The following GABRG2 variants were observed in gnomAD, a reference collection of about 807,000 sequenced individuals.
GABRG2 encodes gamma-aminobutyric acid type A receptor subunit gamma2.
In GABRG2, 16 loss-of-function variants were observed where a neutral mutation model predicts 56.4. The observed-to-expected ratio is 0.28, with a 90% confidence interval of 0.19 to 0.43. GABRG2 has a LOEUF of 0.43. GABRG2 is among the 20% of genes least tolerant of loss of function. GABRG2 has a pLI of 1.00. For synonymous variants in GABRG2, 208 were observed against 205.5 expected (o/e 1.01, Z -0.10); for missense variants, 327 against 582.7 (o/e 0.56, Z 4.52).
intron 7 of GABRG2, among the ~76,000 whole-genome samples, chr5:162,146,549 G>T (rs1764961920): frequency 6.6e-6 from 1 of 151,980 alleles, no homozygotes; most frequent in African/African-American, 2.4e-5. Context: ...CTCAAACATA[G>T]ATTGAGCATC....
At chr5:162,146,876 G>A (rs1361845841) in intron 7 of GABRG2, among the ~76,000 whole-genome samples, 6 of 152,124 alleles carry the variant, frequency 3.9e-5, no homozygotes, top group African/African-American at 1.4e-4. Flanking sequence ...TAACAAGTAC[G>A]TATTTAGGAA....
chr5:162,117,517 A>G (rs778449481), intron 6 of GABRG2, among the ~76,000 whole-genome samples: 2 of 152,174 alleles, frequency 1.3e-5, no homozygotes, highest in Non-Finnish European at 2.9e-5. Flanking sequence ...AGTTTCAAGC[A>G]ACTTTTAAAA....
At chr5:162,112,145 G>C in intron 6 of GABRG2, among the ~76,000 whole-genome samples, 1 of 151,908 alleles carries the variant, frequency 6.6e-6, no homozygotes. Context: ...CTTGTTCTTT[G>C]AAAAAAATCA....
intron 1 of GABRG2, among the ~76,000 whole-genome samples, chr5:162,086,803 TATTTC>T (rs1287721704): frequency 6.6e-6 from 1 of 152,102 alleles, no homozygotes; most frequent in Non-Finnish European, 1.5e-5. Context: ...TGTTGTACAA[TATTTC>T]ATTATGTGCA....
intron 1 of GABRG2, among the ~76,000 whole-genome samples, chr5:162,073,879 A>G (rs749420970): frequency 6.6e-6 from 1 of 152,010 alleles, no homozygotes; most frequent in Non-Finnish European, 1.5e-5. Context: ...ATATTGAGAG[A>G]TTAAGGGACT....
chr5:162,110,760 G>A (rs1762196025), intron 6 of GABRG2, among the ~76,000 whole-genome samples: 1 of 152,094 alleles, frequency 6.6e-6, no homozygotes, highest in Admixed American at 6.6e-5. Flanking sequence ...TGAGTTGTGA[G>A]CCTATTTTTA....
At chr5:162,139,314 G>A (rs1764373638) in intron 6 of GABRG2, among the ~76,000 whole-genome samples, 1 of 152,216 alleles carries the variant, frequency 6.6e-6, no homozygotes, top group Non-Finnish European at 1.5e-5. Context: ...ATCCACTGAT[G>A]CCGCACTTTA....
intron 1 of GABRG2, among the ~76,000 whole-genome samples, chr5:162,081,217 T>A (rs564589370): frequency 6.6e-6 from 1 of 152,096 alleles, no homozygotes; most frequent in South Asian, 2.1e-4. Flanking sequence ...CCCAAAAAAT[T>A]TTTTAAAATT....
At chr5:162,101,114 C>A in intron 4 of GABRG2, 121 bp from the exon 5 acceptor site, 1 of 743,698 alleles carries the variant, frequency 1.3e-6, no homozygotes, top group Admixed American at 2.0e-5. Context: ...TTGGGGATCA[C>A]TCTGTGTTTT....
At position 162,093,989 on chromosome 5, in the gene GABRG2, A is replaced by G. The variant is rs756876801; in HGVS notation, c.259+10A>G. The G allele has an allele frequency of 6.2e-7, 1 of 1,612,874 alleles. No homozygotes were observed. ...CGGCCTGATATAGGAGGTTTGTTAA[A>G]GTCTTTTGCGTTGTGCTATAGATAG... On this transcript the variant is annotated intron_variant, in intron 2 of 9. Coordinates refer to ENST00000639213, the MANE Select transcript of GABRG2 (RefSeq NM_198904.4).
rs111389960 is a variant in GABRG2 at position 162,072,421 on chromosome 5, A to G, written c.107+4315A>G. On this transcript the variant is annotated intron_variant, in intron 1 of 9. Coordinates refer to ENST00000639213, the MANE Select transcript of GABRG2 (RefSeq NM_198904.4). ...TTAAGAAGATTGAATTATAATGAAAAGTTATAATCAGAGTAGTTTGGAGAT... is the reference window on the plus strand; with the variant it reads ...TTAAGAAGATTGAATTATAATGAAAGGTTATAATCAGAGTAGTTTGGAGAT... Among the ~76,000 whole-genome samples the G allele has an allele frequency of 1.3e-3, 197 of 152,156 alleles. 2 individuals are homozygous for G. The highest frequency in any genetic ancestry group is 4.4e-3 in the African/African-American group (181 of 41,564).
intron 7 of GABRG2, among the ~76,000 whole-genome samples, chr5:162,145,085 C>T (rs1764857009): frequency 6.6e-6 from 1 of 152,138 alleles, no homozygotes; most frequent in African/African-American, 2.4e-5. Context: ...AATGAGAGGA[C>T]CTTAAGCACA....
chr5:162,145,282 G>A (rs1474045886), intron 7 of GABRG2, among the ~76,000 whole-genome samples: 2 of 152,094 alleles, frequency 1.3e-5, no homozygotes, highest in Non-Finnish European at 2.9e-5. Context: ...AGTTGGTGAG[G>A]CTTATTTCTG....
At chr5:162,147,306 TTTCCTTCC>T (rs539250270) in intron 7 of GABRG2, among the ~76,000 whole-genome samples, 2 of 151,438 alleles carry the variant, frequency 1.3e-5, no homozygotes, top group Non-Finnish European at 2.9e-5. Flanking sequence ...TTTCTTTCTT[TTTCCTTCC>T]TTCCTTCCTT....
At chr5:162,068,620 A>C (rs1758418132) in intron 1 of GABRG2, among the ~76,000 whole-genome samples, 1 of 152,142 alleles carries the variant, frequency 6.6e-6, no homozygotes, top group Non-Finnish European at 1.5e-5. Flanking sequence ...TCAGTCAGCC[A>C]GGTTTTGCAT....
rs1761627845 is a variant in GABRG2 at position 162,104,041 on chromosome 5, C to A, written c.769+15C>A. ...GACAACTTCCGGTAAGATGCACTGG[C>A]AAAGAATTTCAAGTGACCCTTCCAG... is the stretch of plus-strand genomic sequence containing the variant. On this transcript the variant is annotated intron_variant, in intron 6 of 9. Transcript: ENST00000639213. The A allele has an allele frequency of 1.2e-6, 2 of 1,613,556 alleles. No homozygotes were observed. Among genetic ancestry groups the A allele is most frequent in the East Asian group, 4.5e-5 (2 of 44,790 alleles).
chr5:162,142,603 C>T (rs1403283282), intron 7 of GABRG2: 1 of 358,438 alleles, frequency 2.8e-6, no homozygotes, highest in Non-Finnish European at 5.5e-6. Context: ...TTTGTAGGGA[C>T]ATGGATGAAG....
At chr5:162,142,376 T>G in intron 7 of GABRG2, 60 bp downstream of exon 7, 1 of 1,528,694 alleles carries the variant, frequency 6.5e-7, no homozygotes, top group East Asian at 2.2e-5. Context: ...CAAGTAATTT[T>G]TATGTCCATT....
rs752382943 is a variant in GABRG2 at position 162,153,790 on chromosome 5, C to T, written c.*422C>T. The T allele has an allele frequency of 2.6e-4, 49 of 188,074 alleles. No individual in the cohort carries two copies. Among genetic ancestry groups the T allele is most frequent in the Non-Finnish European group, 4.6e-4 (41 of 89,292 alleles). The allele number at this position is 188,074 out of a possible 1,614,324, so 11.7% of individuals were successfully genotyped here. A position where few individuals can be genotyped will look rare whatever the true frequency, so the allele number is the denominator to read the frequency against. On this transcript the variant is annotated 3_prime_UTR_variant, in exon 10 of 10. Transcript: ENST00000639213. The stretch of plus-strand genomic sequence containing the variant: ...GATAAATTTGATCCCAATAGAATAC[C>T]TCCCTCATTTAAGAAAAATCATAAC...
Sources: gnomAD v4.1 joint callset for allele counts (sites outside exome capture counted in the v4.1 genomes callset) on GRCh38, gnomAD v4.1.1 for gene constraint, MANE v1.5 for transcripts, NCBI Gene and HGNC (gene_info 2026-07-23, HGNC 2026-07-21) for gene names.